PDE1A: variants seen among roughly 807,000 people sequenced by gnomAD.
The protein encoded by PDE1A is phosphodiesterase 1A.
In PDE1A, 35 loss-of-function variants were observed where a neutral mutation model predicts 61.7. That is an observed-to-expected ratio of 0.57 (90% CI 0.43 to 0.75). PDE1A has a LOEUF of 0.75. Among genes scored for constraint, PDE1A ranks in the 30% least tolerant of loss-of-function variants. The probability of loss-of-function intolerance (pLI) is 0.00; values close to 1 mark genes in which losing one functional copy is unlikely to be tolerated. For synonymous variants in PDE1A, 232 were observed against 213.2 expected (o/e 1.09, Z -0.77); for missense variants, 597 against 630.6 (o/e 0.95, Z 0.57).
At chr2:182,497,414 G>A (rs1273192229) in intron 2 of PDE1A, among the ~76,000 whole-genome samples, 2 of 152,166 alleles carry the variant, frequency 1.3e-5, no homozygotes, top group African/African-American at 4.8e-5. Context: ...CTGAAAGTGG[G>A]GTTTTGGCTA....
intron 1 of PDE1A, among the ~76,000 whole-genome samples, chr2:182,382,674 C>A (rs571988121): frequency 5.3e-5 from 8 of 151,246 alleles, no homozygotes; most frequent in African/African-American, 1.9e-4. Context: ...CATCTGAAAT[C>A]AAGAGACACA....
chr2:182,221,697 C>A (rs1688742310), intron 7 of PDE1A, among the ~76,000 whole-genome samples: 1 of 151,976 alleles, frequency 6.6e-6, no homozygotes, highest in African/African-American at 2.4e-5. Flanking sequence ...AATGTGTAAG[C>A]CCACCCCATT....
At chr2:182,193,343 T>G (rs986727338) in intron 10 of PDE1A, among the ~76,000 whole-genome samples, 5 of 152,062 alleles carry the variant, frequency 3.3e-5, no homozygotes, top group African/African-American at 1.2e-4. Context: ...TATAGAAATC[T>G]TGAGAAAACT....
the PDE1A span, among the ~76,000 whole-genome samples, chr2:182,639,619 AAG>A: frequency 6.6e-6 from 1 of 152,100 alleles, no homozygotes; most frequent in African/African-American, 2.4e-5. Context: ...AAAATCGAAA[AAG>A]AGAGAAATCC....
At chr2:182,681,532 C>T in the PDE1A span, among the ~76,000 whole-genome samples, 1 of 147,286 alleles carries the variant, frequency 6.8e-6, no homozygotes, top group Admixed American at 6.8e-5. Context: ...AGACTTTGAA[C>T]ACTACAGTGA....
chr2:182,369,101 GTCTT>G (rs1311128484), intron 1 of PDE1A, among the ~76,000 whole-genome samples: 3 of 151,712 alleles, frequency 2.0e-5, no homozygotes, highest in Admixed American at 6.6e-5. Context: ...TTACTTCCCC[GTCTT>G]TCTATCTCAA....
the PDE1A span, among the ~76,000 whole-genome samples, chr2:182,574,810 C>T: frequency 6.6e-6 from 1 of 152,260 alleles, no homozygotes; most frequent in Admixed American, 6.5e-5. Flanking sequence ...CCTGCCTCAG[C>T]CTCCCAAGTA....
the PDE1A span, among the ~76,000 whole-genome samples, chr2:182,683,016 A>G: frequency 5.0e-3 from 764 of 152,188 alleles, 12 homozygotes; most frequent in African/African-American, 0.018. Flanking sequence ...ATGCAAATTT[A>G]GTGTTATGAT....
the PDE1A span, among the ~76,000 whole-genome samples, chr2:182,687,088 G>A: frequency 1.3e-5 from 2 of 152,234 alleles, no homozygotes; most frequent in East Asian, 3.9e-4. Flanking sequence ...GCCTGCCTCT[G>A]TAGGCTCCAT....
rs1205388646 is a variant in PDE1A, at chr2:182,327,464, G to A, written c.54-63050C>T. 1.6e-4 allele frequency among the ~76,000 whole-genome samples: 25 copies of A among 152,118 alleles called. 1 individual carries two copies. The highest frequency in any genetic ancestry group is 1.6e-3 in the Admixed American group (25 of 15,264). ...AAGAGGTCAGCATGGCCGGAGCAGAGGTTTTTGAAAATACTTTAAATTTTA... is the reference window on the plus strand; with the variant it reads ...AAGAGGTCAGCATGGCCGGAGCAGAAGTTTTTGAAAATACTTTAAATTTTA... On this transcript the variant is annotated intron_variant, in intron 1 of 13. Coordinates refer to ENST00000351439, the Ensembl canonical transcript of PDE1A.
the PDE1A span, among the ~76,000 whole-genome samples, chr2:182,596,174 A>T: frequency 2.0e-5 from 3 of 152,246 alleles, no homozygotes; most frequent in Non-Finnish European, 2.9e-5. Context: ...CTAATCAAGT[A>T]AGGTACATTC....
At chr2:182,165,345 C>T (rs1447661108), downstream of PDE1A, among the ~76,000 whole-genome samples, 1 of 152,080 alleles carries the variant, frequency 6.6e-6, no homozygotes, top group Non-Finnish European at 1.5e-5. Context: ...TTCAACTGAA[C>T]TGGGAATTAA....
At chr2:182,235,892 A>G (rs970876555) in intron 3 of PDE1A, among the ~76,000 whole-genome samples, 1 of 152,216 alleles carries the variant, frequency 6.6e-6, no homozygotes, top group Non-Finnish European at 1.5e-5. Context: ...TCCTTATGTT[A>G]AAAATGCATG....
chr2:182,333,876 A>G (rs1365483950), intron 1 of PDE1A, among the ~76,000 whole-genome samples: 2 of 152,190 alleles, frequency 1.3e-5, no homozygotes, highest in African/African-American at 4.8e-5. Flanking sequence ...AAACAGCCAC[A>G]ATAAAAAATT....
intron 1 of PDE1A, among the ~76,000 whole-genome samples, chr2:182,301,506 A>C (rs1695240460): frequency 6.6e-6 from 1 of 152,166 alleles, no homozygotes; most frequent in African/African-American, 2.4e-5. Flanking sequence ...CTTGATTTCC[A>C]AGGTGTGGTA....
the PDE1A span, among the ~76,000 whole-genome samples, chr2:182,551,069 C>T: frequency 2.0e-5 from 3 of 147,270 alleles, no homozygotes; most frequent in South Asian, 2.2e-4. Flanking sequence ...AAAAAAAATC[C>T]CTGACCTTTA....
intron 1 of PDE1A, among the ~76,000 whole-genome samples, chr2:182,310,451 A>C (rs1695889759): frequency 6.6e-6 from 1 of 152,158 alleles, no homozygotes; most frequent in African/African-American, 2.4e-5. Flanking sequence ...AATTGTAGCA[A>C]CTTTTTTTTC....
chr2:182,206,162 A>T (rs1417341397), intron 7 of PDE1A, 97 bp from the exon 8 acceptor site: 2 of 861,562 alleles, frequency 2.3e-6, no homozygotes, highest in African/African-American at 3.4e-5. Context: ...TGACCAGAAA[A>T]CATCCTATAA....
intron 1 of PDE1A, among the ~76,000 whole-genome samples, chr2:182,274,425 A>G (rs1009687249): frequency 2.0e-5 from 3 of 152,134 alleles, no homozygotes; most frequent in African/African-American, 2.4e-5. Context: ...ACACAAAAAT[A>G]TCTAAAAACA....
Sources: allele counts gnomAD v4.1 joint callset (sites outside exome capture counted in the v4.1 genomes callset), GRCh38; gene constraint gnomAD v4.1.1; transcripts MANE v1.5; gene names NCBI Gene and HGNC (gene_info 2026-07-23, HGNC 2026-07-21).